Variants in ELMO1 observed in about 807,000 individuals in gnomAD.
ELMO1 encodes the protein engulfment and cell motility 1.
In ELMO1, 26 loss-of-function variants were observed where a neutral mutation model predicts 98.9. The observed-to-expected ratio is 0.26, with a 90% CI of 0.19 to 0.36. The LOEUF is 0.36. Among genes scored for constraint, ELMO1 ranks in the 10% least tolerant of loss-of-function variants. ELMO1 has a pLI of 1.00. For missense variants in ELMO1, 627 were observed against 935.2 expected (o/e 0.67, Z 4.30); for synonymous variants, 346 against 346.0 (o/e 1.00, Z 0.00).
intron 15 of ELMO1, among the ~76,000 whole-genome samples, chr7:37,059,847 A>C (rs1011836645): frequency 2.0e-4 from 31 of 152,224 alleles, no homozygotes; most frequent in African/African-American, 7.2e-4. Context: ...GAAATGTGAA[A>C]AGCGAAAGGG....
intron 1 of ELMO1, among the ~76,000 whole-genome samples, chr7:37,344,032 C>CTTTTT (rs759843000): frequency 2.4e-4 from 17 of 71,482 alleles, no homozygotes; most frequent in African/African-American, 2.5e-4. Flanking sequence ...TAAAAGGCAG[C>CTTTTT]ATTTTTTTTT....
chr7:37,155,487 CAAAAA>C (rs781745325), intron 13 of ELMO1, among the ~76,000 whole-genome samples: 39 of 49,686 alleles, frequency 7.8e-4, no homozygotes, highest in African/African-American at 2.5e-3. Context: ...AAACGGAAAG[CAAAAA>C]AAAAAAAAAA....
chr7:36,914,148 G>A (rs920932372), intron 16 of ELMO1, among the ~76,000 whole-genome samples: 1 of 152,166 alleles, frequency 6.6e-6, no homozygotes, highest in Non-Finnish European at 1.5e-5. Context: ...GGCTTCACAC[G>A]GATGATATGA....
intron 9 of ELMO1, among the ~76,000 whole-genome samples, chr7:37,223,036 G>A (rs1490462604): frequency 1.3e-5 from 2 of 152,160 alleles, no homozygotes; most frequent in Non-Finnish European, 2.9e-5. Flanking sequence ...ATGTATGTAT[G>A]TGTATGTGTA....
intron 4 of ELMO1, among the ~76,000 whole-genome samples, chr7:37,278,119 T>TC (rs2130887293): frequency 1.3e-5 from 1 of 74,080 alleles, no homozygotes; most frequent in African/African-American, 5.7e-5. Context: ...TTTCCTTTTT[T>TC]TTTTTTTTTT....
chr7:36,918,913 T>A (rs913002388), intron 16 of ELMO1, among the ~76,000 whole-genome samples: 96 of 152,296 alleles, frequency 6.3e-4, no homozygotes, highest in Non-Finnish European at 1.1e-3. Context: ...GAAAAATATT[T>A]TTTTTCTTTT....
intron 13 of ELMO1, among the ~76,000 whole-genome samples, chr7:37,139,397 G>A (rs1009810763): frequency 4.6e-5 from 7 of 152,130 alleles, no homozygotes; most frequent in African/African-American, 1.7e-4. Flanking sequence ...ATTAATGTAT[G>A]CCAATCAGTA....
At chr7:37,209,465 C>T (rs2130404400) in intron 13 of ELMO1, among the ~76,000 whole-genome samples, 1 of 152,340 alleles carries the variant, frequency 6.6e-6, no homozygotes, top group African/African-American at 2.4e-5. Flanking sequence ...AATCCAGGCA[C>T]TGGCAGGAGG....
At chr7:37,162,677 T>G (rs906850047) in intron 13 of ELMO1, among the ~76,000 whole-genome samples, 5 of 152,124 alleles carry the variant, frequency 3.3e-5, no homozygotes, top group African/African-American at 2.4e-5. Flanking sequence ...TAAATATATG[T>G]CAAGATTTAC....
chr7:37,173,333 G>A (rs1165073804), intron 13 of ELMO1, among the ~76,000 whole-genome samples: 1 of 152,118 alleles, frequency 6.6e-6, no homozygotes, highest in Non-Finnish European at 1.5e-5. Context: ...GACCATGTGA[G>A]GTTCCAAGAA....
intron 13 of ELMO1, among the ~76,000 whole-genome samples, chr7:37,147,814 G>A (rs1383768886): frequency 6.7e-6 from 1 of 149,600 alleles, no homozygotes; most frequent in Non-Finnish European, 1.5e-5. Flanking sequence ...AGAGGAGAGA[G>A]GCATGTCAGA....
At chr7:37,081,545 C>T (rs7782249) in intron 15 of ELMO1, among the ~76,000 whole-genome samples, 39,110 of 152,082 alleles carry the variant, frequency 0.26, 6,602 homozygotes, top group African/African-American at 0.48. Flanking sequence ...AACTGAAACA[C>T]GGGAGCAATT....
intron 14 of ELMO1, among the ~76,000 whole-genome samples, chr7:37,115,767 G>C (rs1241844233): frequency 6.7e-6 from 1 of 149,260 alleles, no homozygotes; most frequent in Admixed American, 6.7e-5. Context: ...AAAAAAAAAA[G>C]GGTGTACAGA....
intron 16 of ELMO1, among the ~76,000 whole-genome samples, chr7:36,920,096 T>C (rs547123997): frequency 2.4e-4 from 37 of 152,334 alleles, no homozygotes; most frequent in African/African-American, 8.7e-4. Flanking sequence ...CCCTTCAGCC[T>C]GGCCACTAAG....
At chr7:37,102,971 A>C (rs987660241) in intron 14 of ELMO1, among the ~76,000 whole-genome samples, 1 of 152,222 alleles carries the variant, frequency 6.6e-6, no homozygotes, top group Non-Finnish European at 1.5e-5. Context: ...TTTCTAACAG[A>C]CAAAGTCTAC....
At chr7:37,387,164 C>A (rs192026683) in intron 1 of ELMO1, among the ~76,000 whole-genome samples, 1 of 152,350 alleles carries the variant, frequency 6.6e-6, no homozygotes, top group African/African-American at 2.4e-5. Flanking sequence ...AAGGATATGG[C>A]CCTGGCCTAT....
chr7:37,202,150 T>A (rs184511141), intron 13 of ELMO1, among the ~76,000 whole-genome samples: 2 of 152,352 alleles, frequency 1.3e-5, no homozygotes, highest in African/African-American at 4.8e-5. Flanking sequence ...TTTTTAAATA[T>A]ACTGTTATTT....
chr7:37,126,300 A>AATATATATATAT lies in ELMO1; in HGVS notation c.1191+6818_1191+6829dup, dbSNP rs201860679. On this transcript the variant is annotated intron_variant, in intron 14 of 21. Coordinates refer to ENST00000310758, the MANE Select transcript of ELMO1 (RefSeq NM_014800.11). ...ACCCTAGAACTTAAAGTATAATTTAAATATATATATATATATATATATATA... is the reference window on the plus strand; with the variant it reads ...ACCCTAGAACTTAAAGTATAATTTAAATATATATATATATATATATATATATATATATATATA... 5.7e-3 allele frequency among the ~76,000 whole-genome samples: 762 copies of AATATATATATAT among 134,004 alleles called. 5 individuals carry two copies. Among genetic ancestry groups the AATATATATATAT allele is most frequent in the East Asian group, 0.012 (53 of 4,538 alleles). 87.9% of individuals were successfully genotyped at this position (134,004 alleles called of 152,430 possible).
chr7:36,921,935 G>T (rs1403211306), intron 16 of ELMO1, among the ~76,000 whole-genome samples: 1 of 152,152 alleles, frequency 6.6e-6, no homozygotes. Context: ...GGCATTGTCA[G>T]ATCTCTTTTA....
Sources: gnomAD v4.1 joint callset for allele counts (sites outside exome capture counted in the v4.1 genomes callset) on GRCh38, gnomAD v4.1.1 for gene constraint, MANE v1.5 for transcripts, NCBI Gene and HGNC (gene_info 2026-07-23, HGNC 2026-07-21) for gene names.